The following RPAP1 variants were observed in gnomAD, a reference collection of about 807,000 sequenced individuals.
RPAP1 encodes RNA polymerase II associated protein 1.
In RPAP1, 109 loss-of-function variants were observed where a neutral mutation model predicts 142.4. The ratio of observed to expected loss-of-function variants is 0.77; its 90% CI spans 0.66 to 0.90. RPAP1 has a LOEUF of 0.90. Among genes scored for constraint, RPAP1 ranks in the 40% least tolerant of loss-of-function variants. RPAP1 has a pLI of 0.00. For missense variants in RPAP1, 1,546 were observed against 1,751.7 expected (o/e 0.88, Z 2.10); for synonymous variants, 704 against 738.9 (o/e 0.95, Z 0.77).
intron 7 of RPAP1, among the ~76,000 whole-genome samples, 197 bp from the exon 8 acceptor site, chr15:41,530,176 A>G (rs567457604): frequency 2.6e-5 from 4 of 152,300 alleles, no homozygotes; most frequent in Admixed American, 2.0e-4. Context: ...TATGACAGAC[A>G]CACTCCATCC....
At chr15:41,538,527 A>C (rs77105341) in intron 1 of RPAP1, among the ~76,000 whole-genome samples, 4 of 630 alleles carry the variant, frequency 6.3e-3, no homozygotes, top group Admixed American at 0.021. Context: ...GGAAAGAAAA[A>C]ACAAAAAAAA....
At chr15:41,519,518 T>C (rs1301814003) in intron 22 of RPAP1, 1 of 152,176 alleles carries the variant, frequency 6.6e-6, no homozygotes, top group Non-Finnish European at 1.5e-5. Context: ...GCAAACATAG[T>C]AACTCTTTAC....
At chr15:41,526,437 A>G (rs1028326429) in intron 14 of RPAP1, among the ~76,000 whole-genome samples, 2 of 152,096 alleles carry the variant, frequency 1.3e-5, no homozygotes, top group Non-Finnish European at 2.9e-5. Context: ...TTTTTTGTAG[A>G]GACAGAGTCT....
chr15:41,543,404 G>T (rs2051990445), intron 1 of RPAP1, among the ~76,000 whole-genome samples: 2 of 151,748 alleles, frequency 1.3e-5, no homozygotes, highest in South Asian at 4.2e-4. Flanking sequence ...GTACAGACGG[G>T]GTTTCACCAT....
chr15:41,527,712 G>C, intron 11 of RPAP1, 107 bp from the exon 12 acceptor site: 2 of 1,457,480 alleles, frequency 1.4e-6, no homozygotes, highest in Non-Finnish European at 9.2e-7. Flanking sequence ...AGCCTCCTGG[G>C]CTTTAGGGAC....
At position 41,529,913 on chromosome 15, in the gene RPAP1, A is replaced by T. The variant is rs2051831184; in HGVS notation, c.1010T>A (p.Leu337His). 2 of 1,613,624 alleles carry T rather than the reference A, an allele frequency of 1.2e-6. No homozygotes were observed. The highest frequency in any genetic ancestry group is 1.7e-6 in the Non-Finnish European group (2 of 1,179,804). ...LHMDTVELEK[L>H]HWTQDLPPVR... Reference sequence around the variant, plus strand: ...AGGGGGCAAGTCCTGGGTCCAGTGGAGCTTCTCCAGCTCGACAGTGTCCAT... The same window carrying T: ...AGGGGGCAAGTCCTGGGTCCAGTGGTGCTTCTCCAGCTCGACAGTGTCCAT... The change falls in exon 8 of 25, where the codon CTC (leucine) becomes CAC (histidine). Residue 337 changes from leucine to histidine, a missense_variant. Leu to His is a moderately conservative substitution (Grantham distance 99). This residue lies in a region of RPAP1 where 1,333 missense variants were observed against 1,486.6 expected (regional missense o/e 0.90). Transcript: ENST00000304330.
chr15:41,538,240 C>CA (rs1335491703), intron 1 of RPAP1, among the ~76,000 whole-genome samples: 1 of 151,900 alleles, frequency 6.6e-6, no homozygotes, highest in Non-Finnish European at 1.5e-5. Flanking sequence ...GAGACTCTGT[C>CA]AAAAAAACAA....
chr15:41,536,884 G>A, intron 2 of RPAP1, 61 bp downstream of exon 2: 4 of 1,563,438 alleles, frequency 2.6e-6, no homozygotes, highest in South Asian at 2.3e-5. Flanking sequence ...ACAACAGGAA[G>A]AGGGAGGGGC....
At position 41,527,013 on chromosome 15, in the gene RPAP1, C is replaced by A; in HGVS notation, c.1802G>T (p.Ser601Ile). 1.2e-6 allele frequency: 2 copies of A among 1,614,214 alleles called. No individual in the cohort carries two copies. The highest frequency in any genetic ancestry group is 1.7e-6 in the Non-Finnish European group (2 of 1,180,032). Residue 601 changes from serine to isoleucine, a missense_variant, in exon 14 of 25, where the codon AGT becomes ATT. Around this residue, in one of 3 missense-constraint regions of RPAP1, gnomAD observed 1,333 missense variants for 1,486.6 expected, o/e 0.90. Coordinates refer to ENST00000304330, the MANE Select transcript of RPAP1 (RefSeq NM_015540.4). The part of the protein sequence containing the change: ...ETIVREFLPT[S>I]WSPVGAGPTP... ...AGGCCCTGCCCCCACAGGAGACCAA[C>A]TGGTGGGCAAGAACTCTCGAACTAT...
At chr15:41,522,686 ATCCC>A in intron 19 of RPAP1, 75 bp downstream of exon 19, 6 of 326,730 alleles carry the variant, frequency 1.8e-5, no homozygotes, top group East Asian at 9.9e-5. Context: ...CACCGCGCCC[ATCCC>A]ACCCTCCCAC....
chr15:41,522,115 C>A lies in RPAP1; in HGVS notation c.2878G>T (p.Ala960Ser). Residue 960 changes from alanine to serine, a missense_variant, in exon 20 of 25, where the codon GCT becomes TCT. This residue lies in a region of RPAP1 where 1,333 missense variants were observed against 1,486.6 expected (regional missense o/e 0.90). Transcript: ENST00000304330. ...HEYHLQYLAL[A>S]LAQKAAALQP... ...GGACCTACCGCTTTCTGGGCCAGAGCGAGTGCCAGGTACTGCAGGTGGTAC... is the reference window on the plus strand; with the variant it reads ...GGACCTACCGCTTTCTGGGCCAGAGAGAGTGCCAGGTACTGCAGGTGGTAC... 9 of 1,613,530 alleles carry A rather than the reference C, an allele frequency of 5.6e-6. No homozygotes were observed. Among genetic ancestry groups the A allele is most frequent in the African/African-American group, 1.3e-5 (1 of 74,996 alleles).
rs1256532966 is a variant in RPAP1 at position 41,527,534 on chromosome 15, GTCC to G, written c.1497_1499del (p.Glu499del). The stretch of plus-strand genomic sequence containing the variant: ...CTTCATCCTCGTCCTCATCCTCCTT[GTCC>G]TCCTGGCTGGGCATCAGAGGGAACG... On this transcript the variant is annotated inframe_deletion, in exon 12 of 25. Transcript: ENST00000304330. 5.6e-6 allele frequency: 9 copies of G among 1,613,960 alleles called. No homozygotes were observed. The African/African-American group carries it at 9.3e-5, about 17-fold the overall frequency.
chr15:41,533,833 C>T lies in RPAP1; in HGVS notation c.763+881G>A, dbSNP rs562139981. On this transcript the variant is annotated intron_variant, in intron 6 of 24. Coordinates refer to ENST00000304330, the MANE Select transcript of RPAP1 (RefSeq NM_015540.4). The stretch of plus-strand genomic sequence containing the variant: ...AGCCTGGGCAACAAGAGGAAAAATC[C>T]GTCTTAAAAAAAAAAAAAAACCTAG... 5.8e-3 allele frequency among the ~76,000 whole-genome samples: 758 copies of T among 130,168 alleles called. 11 individuals carry two copies. The highest frequency in any genetic ancestry group is 0.019 in the African/African-American group (730 of 38,090). 85.4% of individuals were successfully genotyped at this position (130,168 alleles called of 152,430 possible).
At chr15:41,532,806 A>T (rs74578299) in intron 6 of RPAP1, among the ~76,000 whole-genome samples, 1 of 151,452 alleles carries the variant, frequency 6.6e-6, no homozygotes, top group South Asian at 2.1e-4. Flanking sequence ...GGTGAAACCC[A>T]TCTCTACTAA....
In RPAP1 at chr15:41,523,083, A is replaced by G. The variant is rs2051747448; in HGVS notation, c.2547-123T>C. 4 of 960,336 alleles carry G rather than the reference A, an allele frequency of 4.2e-6. No individual in the cohort carries two copies. The South Asian group carries it at 7.5e-5, about 18-fold the overall frequency. The allele number at this position is 960,336 out of a possible 1,614,324, so 59.5% of individuals were successfully genotyped here. A position where few individuals can be genotyped will look rare whatever the true frequency, so the allele number is the denominator to read the frequency against. On this transcript the variant is annotated intron_variant, in intron 18 of 24. Coordinates refer to ENST00000304330, the MANE Select transcript of RPAP1 (RefSeq NM_015540.4). The stretch of plus-strand genomic sequence containing the variant: ...GGCTGTGGAGGTCAGTGCTGCTCAC[A>G]CTCCTCAGAGCCCACCCCACTGCTG...
At chr15:41,533,142 T>TA (rs372223316) in intron 6 of RPAP1, among the ~76,000 whole-genome samples, 2 of 152,154 alleles carry the variant, frequency 1.3e-5, no homozygotes, top group African/African-American at 4.8e-5. Flanking sequence ...TAATACCACC[T>TA]ACCTCACAGG....
chr15:41,534,126 A>C (rs1418949559), intron 6 of RPAP1, among the ~76,000 whole-genome samples: 2 of 150,974 alleles, frequency 1.3e-5, no homozygotes, highest in Non-Finnish European at 3.0e-5. Flanking sequence ...CCATCTCAAA[A>C]AAAAAAAAAG....
chr15:41,542,421 G>C lies in RPAP1; in HGVS notation c.-77+1798C>G, dbSNP rs574589113. Among the ~76,000 whole-genome samples the C allele has an allele frequency of 1.7e-3, 262 of 152,320 alleles. 4 individuals carry two copies. In the South Asian group the frequency reaches 0.019, roughly 11 times the overall value. ...GAAAAATCCCTAAAGGTTAAAAATA[G>C]AGGTCAATATTGAAAGAGAAAACTT... is the stretch of plus-strand genomic sequence containing the variant. On this transcript the variant is annotated intron_variant, in intron 1 of 24. Transcript: ENST00000304330.
At chr15:41,532,107 C>T (rs566590847) in intron 6 of RPAP1, among the ~76,000 whole-genome samples, 8 of 151,824 alleles carry the variant, frequency 5.3e-5, no homozygotes, top group African/African-American at 9.7e-5. Flanking sequence ...CTGCAAGGTC[C>T]GCCTCCCGGG....
Sources: gnomAD v4.1 joint callset for allele counts (sites outside exome capture counted in the v4.1 genomes callset) on GRCh38, gnomAD v4.1.1 for gene constraint, gnomAD v4.1.1 regional missense constraint, MANE v1.5 for transcripts, NCBI Gene and HGNC (gene_info 2026-07-23, HGNC 2026-07-21) for gene names.